Variants in RBP2 observed in about 807,000 individuals in gnomAD.
The protein encoded by RBP2 is retinol-binding protein 2.
Under a neutral mutation model 17.0 loss-of-function variants are expected in RBP2, and 17 were observed. That is an observed-to-expected ratio of 1.00 (90% CI 0.68 to 1.50). The LOEUF is 1.50. Ranked by LOEUF, RBP2 falls within the 40% of genes most tolerant of loss-of-function variation. The pLI is 0.00. For missense variants in RBP2, 158 were observed against 168.2 expected (o/e 0.94, Z 0.33); for synonymous variants, 48 against 57.1 (o/e 0.84, Z 0.72).
rs756375290 is a variant in RBP2 at position 139,454,712 on chromosome 3, C to G, written c.354+17G>C. 6.2e-7 allele frequency: 1 copy of G among 1,611,778 alleles called. No homozygotes were observed. Among genetic ancestry groups the G allele is most frequent in the East Asian group, 2.2e-5 (1 of 44,860 alleles). On this transcript the variant is annotated intron_variant, in intron 3 of 3. Coordinates refer to ENST00000232217, the MANE Select transcript of RBP2 (RefSeq NM_004164.3). ...GTAAGCACAATGGAAGTGAGCTGAG[C>G]AGAACCCAGTACTTACCAGGTACAG...
intron 1 of RBP2, among the ~76,000 whole-genome samples, chr3:139,471,179 G>C (rs1282165471): frequency 2.0e-5 from 3 of 152,160 alleles, no homozygotes; most frequent in Non-Finnish European, 4.4e-5. Flanking sequence ...AGCACTTCCT[G>C]ATTTGTCATA....
chr3:139,466,753 A>C (rs1015435698), intron 1 of RBP2: 1 of 152,222 alleles, frequency 6.6e-6, no homozygotes, highest in Non-Finnish European at 1.5e-5. Flanking sequence ...CTGTAAATGG[A>C]GGCTGCCATC....
At chr3:139,459,545 C>T (rs13315414) in intron 2 of RBP2, among the ~76,000 whole-genome samples, 2,811 of 150,762 alleles carry the variant, frequency 0.019, 28 homozygotes, top group Middle Eastern at 0.031. Context: ...ATTGCTTGAA[C>T]CTGGGAGGTG....
At chr3:139,471,743 A>G (rs1933576824) in intron 1 of RBP2, among the ~76,000 whole-genome samples, 2 of 152,026 alleles carry the variant, frequency 1.3e-5, no homozygotes, top group South Asian at 4.2e-4. Flanking sequence ...TAGTCACCAA[A>G]TCCAGTCTAT....
At chr3:139,453,895 C>T (rs568565119) in intron 3 of RBP2, among the ~76,000 whole-genome samples, 10 of 152,076 alleles carry the variant, frequency 6.6e-5, no homozygotes, top group Non-Finnish European at 1.3e-4. Context: ...ATGCAAAACA[C>T]GATAAATGCC....
At chr3:139,469,580 C>T (rs41356949) in intron 1 of RBP2, among the ~76,000 whole-genome samples, 12,648 of 152,104 alleles carry the variant, frequency 0.083, 582 homozygotes, top group Middle Eastern at 0.16. Flanking sequence ...ACTTTGGCAA[C>T]GTGTATACCT....
At chr3:139,462,489 C>A (rs1288203979) in intron 1 of RBP2, among the ~76,000 whole-genome samples, 199 bp from the exon 2 acceptor site, 1 of 151,226 alleles carries the variant, frequency 6.6e-6, no homozygotes, top group Non-Finnish European at 1.5e-5. Context: ...AGTCTCCTGG[C>A]ACCTCCTCAG....
At chr3:139,461,314 G>C (rs1035177960) in intron 2 of RBP2, among the ~76,000 whole-genome samples, 1 of 152,180 alleles carries the variant, frequency 6.6e-6, no homozygotes, top group African/African-American at 2.4e-5. Flanking sequence ...TTTGGGCTTT[G>C]AGATAACTCC....
intron 2 of RBP2, among the ~76,000 whole-genome samples, chr3:139,460,509 G>C (rs946179832): frequency 6.6e-6 from 1 of 152,174 alleles, no homozygotes; most frequent in Non-Finnish European, 1.5e-5. Context: ...AGCTCTCTTG[G>C]CTTTTAATTG....
chr3:139,456,356 T>C (rs1167144104), intron 2 of RBP2, among the ~76,000 whole-genome samples: 1 of 152,224 alleles, frequency 6.6e-6, no homozygotes, highest in Non-Finnish European at 1.5e-5. Context: ...AAATAATATT[T>C]GACCTTGACC....
At chr3:139,471,197 G>C (rs531461332) in intron 1 of RBP2, among the ~76,000 whole-genome samples, 4 of 152,136 alleles carry the variant, frequency 2.6e-5, no homozygotes, top group Admixed American at 2.6e-4. Flanking sequence ...ATAGGTGCTC[G>C]ATACATTTGT....
chr3:139,469,687 GTCTATCTATCTATCTA>G (rs543597083), intron 1 of RBP2, among the ~76,000 whole-genome samples: 61 of 132,976 alleles, frequency 4.6e-4, no homozygotes, highest in East Asian at 1.0e-3. Context: ...CTGTCTGTCT[GTCTATCTATCTATCTA>G]TCTATCTATC....
chr3:139,473,604 C>T (rs1030787903), intron 1 of RBP2, among the ~76,000 whole-genome samples: 1 of 152,204 alleles, frequency 6.6e-6, no homozygotes, highest in Non-Finnish European at 1.5e-5. Flanking sequence ...AGGCAAGCTT[C>T]GTTGACATCT....
In RBP2 at chr3:139,462,118, A is replaced by G. The variant is rs1933210184; in HGVS notation, c.246T>C (p.His82=). ...CACCAGCCCCGGTCAGTACCTTAAC[A>G]TGCCGGTTATCCAGGCTCTTTGTGT... ...DEYTKSLDNR[H]VKALVTWEGD... Residue 82 remains histidine (H), a synonymous_variant, in exon 2 of 4, where the codon CAT becomes CAC. Coordinates refer to ENST00000232217, the MANE Select transcript of RBP2 (RefSeq NM_004164.3). The G allele has an allele frequency of 2.5e-6, 4 of 1,613,978 alleles. No individual in the cohort carries two copies. The highest frequency in any genetic ancestry group is 3.4e-6 in the Non-Finnish European group (4 of 1,180,014).
At chr3:139,469,233 A>G (rs1933467163) in intron 1 of RBP2, among the ~76,000 whole-genome samples, 2 of 152,034 alleles carry the variant, frequency 1.3e-5, no homozygotes, top group African/African-American at 4.8e-5. Context: ...TGTAAGAACA[A>G]TTTTCTCCTT....
chr3:139,475,534 G>A (rs1402344112), intron 1 of RBP2, among the ~76,000 whole-genome samples: 3 of 152,006 alleles, frequency 2.0e-5, no homozygotes, highest in Non-Finnish European at 4.4e-5. Flanking sequence ...ACCCACTGCC[G>A]TTTCTCTCAT....
intron 1 of RBP2, among the ~76,000 whole-genome samples, chr3:139,475,258 G>A (rs757673448): frequency 6.8e-6 from 1 of 147,912 alleles, no homozygotes; most frequent in Admixed American, 6.8e-5. Context: ...AGGTGGGCTT[G>A]CAGTGAGCTG....
rs1292305556 is a variant in RBP2 at position 139,453,083 on chromosome 3, G to A, written c.*33C>T. 1.2e-6 allele frequency: 2 copies of A among 1,613,806 alleles called. No homozygotes were observed. The highest frequency in any genetic ancestry group is 2.2e-5 in the East Asian group (1 of 44,856). ...TAGACCACTCAGTGTGGGCAGTGGG[G>A]AGCTTGTGCTTGGCAGGCCTCCCAC... On this transcript the variant is annotated 3_prime_UTR_variant, in exon 4 of 4. Coordinates refer to ENST00000232217, the MANE Select transcript of RBP2 (RefSeq NM_004164.3).
chr3:139,473,925 G>C (rs926675534), intron 1 of RBP2, among the ~76,000 whole-genome samples: 1 of 152,148 alleles, frequency 6.6e-6, no homozygotes, highest in African/African-American at 2.4e-5. Context: ...GTCAGCATCT[G>C]GGTAAACCAG....
Sources: gnomAD v4.1 joint callset for allele counts (sites outside exome capture counted in the v4.1 genomes callset) on GRCh38, gnomAD v4.1.1 for gene constraint, MANE v1.5 for transcripts, NCBI Gene and HGNC (gene_info 2026-07-23, HGNC 2026-07-21) for gene names.